Variants in ODAD2 observed in about 807,000 individuals in gnomAD.
ODAD2 encodes the protein outer dynein arm docking complex subunit 2.
In ODAD2, 89 loss-of-function variants were observed where a neutral mutation model predicts 106.8. The ratio of observed to expected loss-of-function variants is 0.83; its 90% CI spans 0.70 to 0.99. ODAD2 has a LOEUF of 0.99. Among genes scored for constraint, ODAD2 ranks in the 50% least tolerant of loss-of-function variants. The pLI, the probability that ODAD2 is intolerant of heterozygous loss-of-function variation, is 0.00. For missense variants in ODAD2, 1,168 were observed against 1,238.5 expected (o/e 0.94, Z 0.85); for synonymous variants, 404 against 436.2 (o/e 0.93, Z 0.92).
intron 9 of ODAD2, among the ~76,000 whole-genome samples, chr10:27,965,838 C>A (rs539071706): frequency 6.6e-6 from 1 of 152,148 alleles, no homozygotes; most frequent in Non-Finnish European, 1.5e-5. Flanking sequence ...AAAAGACTTA[C>A]GAGAAAGTAC....
chr10:27,834,402 A>G (rs1392944655), intron 19 of ODAD2, among the ~76,000 whole-genome samples: 1 of 152,158 alleles, frequency 6.6e-6, no homozygotes, highest in African/African-American at 2.4e-5. Flanking sequence ...ACATAGGGCA[A>G]GAAACACAAA....
intron 9 of ODAD2, among the ~76,000 whole-genome samples, chr10:27,964,468 G>C (rs1032368772): frequency 1.3e-5 from 2 of 152,146 alleles, no homozygotes; most frequent in Non-Finnish European, 2.9e-5. Flanking sequence ...TGTATTATCA[G>C]GCATATTCAT....
chr10:27,914,227 C>T (rs1249365900), intron 16 of ODAD2, among the ~76,000 whole-genome samples: 3 of 152,036 alleles, frequency 2.0e-5, no homozygotes, highest in Non-Finnish European at 1.5e-5. Context: ...TCGAGAGGCA[C>T]AAAATATCTA....
At chr10:27,839,894 C>G (rs1259543222) in intron 19 of ODAD2, among the ~76,000 whole-genome samples, 1 of 151,814 alleles carries the variant, frequency 6.6e-6, no homozygotes, top group African/African-American at 2.4e-5. Flanking sequence ...AAGTATTTGA[C>G]AAAAAAGAGT....
rs980517742 is a variant in ODAD2, at chr10:27,821,310, A to C, written c.3022-8685T>G. Among the ~76,000 whole-genome samples the C allele has an allele frequency of 2.6e-5, 4 of 152,142 alleles. No individual in the cohort carries two copies. The East Asian group carries it at 7.7e-4, about 29-fold the overall frequency. On this transcript the variant is annotated intron_variant, in intron 19 of 19. Transcript: ENST00000305242. ...CCCGAGTTTTACTTTATTTTCAATAACTGTTACTCATTGCTTTGTTATACA... is the reference window on the plus strand; with the variant it reads ...CCCGAGTTTTACTTTATTTTCAATACCTGTTACTCATTGCTTTGTTATACA...
chr10:27,997,586 G>A (rs367876719), intron 1 of ODAD2: 4 of 152,144 alleles, frequency 2.6e-5, no homozygotes, highest in African/African-American at 9.7e-5. Flanking sequence ...TGTAACATTT[G>A]AATCTATTCA....
At chr10:27,901,550 G>A (rs149042698) in intron 17 of ODAD2, among the ~76,000 whole-genome samples, 4,754 of 152,258 alleles carry the variant, frequency 0.031, 173 homozygotes, top group East Asian at 0.16. Flanking sequence ...CCACCGGTGT[G>A]CTGTATTCAG....
At position 27,860,841 on chromosome 10, in the gene ODAD2, G is replaced by T. The variant is rs35181927; in HGVS notation, c.2805C>A (p.Asn935Lys). ...CTGCTAGATGATGTCTCAATTTATT[G>T]TTATTCTGTGCAAGGGAAAATGAAA... ...PLLSKLANTN[N>K]NKLRHHLAEA... Residue 935 changes from asparagine (N) to lysine (K), a missense_variant, in exon 19 of 20, where the codon AAC becomes AAA. Asn to Lys is a moderately conservative substitution (Grantham distance 94). This residue lies in a region of ODAD2 where 701 missense variants were observed against 712.3 expected (regional missense o/e 0.98). Coordinates refer to ENST00000305242, the MANE Select transcript of ODAD2 (RefSeq NM_018076.5). 1.4e-3 allele frequency: 2,287 copies of T among 1,613,642 alleles called. 34 individuals carry two copies. In the African/African-American group the frequency reaches 0.027, roughly 19 times the overall value.
At chr10:27,924,264 T>A (rs1316687601) in intron 16 of ODAD2, among the ~76,000 whole-genome samples, 2 of 151,582 alleles carry the variant, frequency 1.3e-5, no homozygotes, top group Non-Finnish European at 2.9e-5. Context: ...AAAGAAAAAT[T>A]TCTCATTAAT....
At chr10:27,921,105 A>T (rs1374203179) in intron 16 of ODAD2, among the ~76,000 whole-genome samples, 4 of 152,162 alleles carry the variant, frequency 2.6e-5, no homozygotes, top group Non-Finnish European at 5.9e-5. Flanking sequence ...TATTTATGTA[A>T]ATTGTTAGGT....
Position 27,961,637 on chromosome 10 carries a change from A to C in ODAD2, c.1317T>G (p.His439Gln). The C allele has an allele frequency of 6.2e-7, 1 of 1,610,924 alleles. No homozygotes were observed. The highest frequency in any genetic ancestry group is 8.5e-7 in the Non-Finnish European group (1 of 1,177,446). ...ESEEDEEPPD[H>Q]RQEASADLPS... The stretch of plus-strand genomic sequence containing the variant: ...GCAAATCTGCACTTGCTTCCTGACG[A>C]TGGTCAGGTGGTTCTTCATCTTCCT... The change falls in exon 10 of 20, where the codon CAT (histidine) becomes CAG (glutamine). Residue 439 changes from histidine to glutamine, a missense_variant. His to Gln is a conservative substitution (Grantham distance 24). Around this residue, in one of 3 missense-constraint regions of ODAD2, gnomAD observed 37 missense variants for 74.1 expected, o/e 0.50. Transcript: ENST00000305242.
In ODAD2 at chr10:27,904,574, T is replaced by A. The variant is rs138218825; in HGVS notation, c.2610+3089A>T. 3.9e-3 allele frequency among the ~76,000 whole-genome samples: 596 copies of A among 152,358 alleles called. 7 individuals carry two copies. Among genetic ancestry groups the A allele is most frequent in the African/African-American group, 0.014 (568 of 41,588 alleles). On this transcript the variant is annotated intron_variant, in intron 17 of 19. Coordinates refer to ENST00000305242, the MANE Select transcript of ODAD2 (RefSeq NM_018076.5). ...TCATATACTAAATTCCCATTTGTAC[T>A]TAGGTCTATTCTGTACTTTCTATCC... is the stretch of plus-strand genomic sequence containing the variant.
chr10:27,973,214 T>TACAC (rs1031663930), intron 7 of ODAD2, among the ~76,000 whole-genome samples: 5 of 148,018 alleles, frequency 3.4e-5, no homozygotes. Context: ...GTCAAAATAA[T>TACAC]ACATACATAC....
chr10:27,974,203 A>G (rs1188943013), intron 7 of ODAD2, among the ~76,000 whole-genome samples: 1 of 152,188 alleles, frequency 6.6e-6, no homozygotes, highest in Non-Finnish European at 1.5e-5. Context: ...CAGCTTGCAA[A>G]TATATTCTCC....
Position 27,842,624 on chromosome 10 carries a change from A to G in ODAD2, c.3021+18001T>C, listed in dbSNP as rs546978229. On this transcript the variant is annotated intron_variant, in intron 19 of 19. Coordinates refer to ENST00000305242, the MANE Select transcript of ODAD2 (RefSeq NM_018076.5). The stretch of plus-strand genomic sequence containing the variant: ...GTCTTTAAGAACATTCTATAAAGCC[A>G]TGGGCCATGTCCAGATCAACTAAAA... Among the ~76,000 whole-genome samples the G allele has an allele frequency of 1.4e-4, 22 of 152,350 alleles. 1 individual carries two copies. In the South Asian group the frequency reaches 3.9e-3, roughly 27 times the overall value.
chr10:27,882,747 T>C (rs1425562264), intron 17 of ODAD2, among the ~76,000 whole-genome samples: 4 of 151,968 alleles, frequency 2.6e-5, no homozygotes, highest in African/African-American at 7.3e-5. Flanking sequence ...CTACAAACCA[T>C]AGGAGGGACA....
intron 10 of ODAD2, among the ~76,000 whole-genome samples, chr10:27,946,223 C>A (rs1846912962): frequency 6.8e-6 from 1 of 147,126 alleles, no homozygotes; most frequent in African/African-American, 2.5e-5. Context: ...ATAAAAAATA[C>A]CAATATAAAA....
chr10:27,981,320 TTTATG>T (rs891625133), intron 7 of ODAD2, 141 bp downstream of exon 7: 47 of 624,994 alleles, frequency 7.5e-5, no homozygotes, highest in African/African-American at 1.4e-4. Context: ...TTACAGTATT[TTTATG>T]TTATGTTATG....
intron 1 of ODAD2, among the ~76,000 whole-genome samples, chr10:27,996,576 G>A (rs140548414): frequency 2.2e-4 from 33 of 152,268 alleles, no homozygotes; most frequent in African/African-American, 6.7e-4. Flanking sequence ...AAAAACTTCA[G>A]ATAAGCACTA....
Sources: allele counts gnomAD v4.1 joint callset (sites outside exome capture counted in the v4.1 genomes callset), GRCh38; gene constraint gnomAD v4.1.1; regional missense constraint gnomAD v4.1.1; transcripts MANE v1.5; gene names NCBI Gene and HGNC (gene_info 2026-07-23, HGNC 2026-07-21).